Variants in OPCML observed in about 807,000 individuals in gnomAD.
OPCML encodes opioid-binding protein/cell adhesion molecule.
Under a neutral mutation model 37.8 loss-of-function variants are expected in OPCML, and 13 were observed. That is an observed-to-expected ratio of 0.34 (90% CI 0.22 to 0.55). The LOEUF (loss-of-function observed/expected upper bound fraction) is 0.55. OPCML is among the 20% of genes least tolerant of loss of function. The pLI is 0.91. For synonymous variants in OPCML, 176 were observed against 168.8 expected, an observed-to-expected ratio of 1.04 and a Z score of -0.33; for missense variants, 341 against 435.6, an observed-to-expected ratio of 0.78 and a Z score of 1.93.
chr11:133,027,426 A>T (rs1381630182), intron 1 of OPCML, among the ~76,000 whole-genome samples: 3 of 152,038 alleles, frequency 2.0e-5, no homozygotes, highest in Non-Finnish European at 4.4e-5. Context: ...AAAATAAAGA[A>T]ATAGTCACTT....
At chr11:133,272,100 C>T (rs527375649) in intron 1 of OPCML, among the ~76,000 whole-genome samples, 1 of 152,160 alleles carries the variant, frequency 6.6e-6, no homozygotes, top group South Asian at 2.1e-4. Context: ...ATGCAGTAAC[C>T]ACCTGCACAC....
At chr11:132,977,195 G>A (rs539228199) in intron 1 of OPCML, among the ~76,000 whole-genome samples, 1 of 152,246 alleles carries the variant, frequency 6.6e-6, no homozygotes, top group African/African-American at 2.4e-5. Flanking sequence ...AGGTTCAATG[G>A]ATATTAGATA....
chr11:132,436,574 C>T, intron 6 of OPCML, 85 bp downstream of exon 6: 2 of 1,567,190 alleles, frequency 1.3e-6, no homozygotes, highest in Non-Finnish European at 1.7e-6. Context: ...TATCTTTCCC[C>T]TTTTCTTCAT....
chr11:132,448,470 C>T (rs1228067503), intron 4 of OPCML, among the ~76,000 whole-genome samples: 2 of 152,194 alleles, frequency 1.3e-5, no homozygotes, highest in East Asian at 3.9e-4. Flanking sequence ...ATTGCTCATG[C>T]ACTGAGCCCT....
chr11:132,697,359 C>T (rs1943636333), intron 2 of OPCML, among the ~76,000 whole-genome samples: 2 of 152,180 alleles, frequency 1.3e-5, no homozygotes, highest in Non-Finnish European at 2.9e-5. Flanking sequence ...AGTCACAGTG[C>T]TGTACATTAG....
intron 4 of OPCML, among the ~76,000 whole-genome samples, chr11:132,439,297 C>T (rs2096023881): frequency 6.6e-6 from 1 of 152,148 alleles, no homozygotes; most frequent in Non-Finnish European, 1.5e-5. Flanking sequence ...CTGAGCGTCT[C>T]TCCTGAATGA....
chr11:132,483,885 T>C (rs929395610), intron 4 of OPCML, among the ~76,000 whole-genome samples: 3 of 151,876 alleles, frequency 2.0e-5, no homozygotes, highest in Non-Finnish European at 2.9e-5. Flanking sequence ...TGAAACTGGA[T>C]CCCTTCCTTA....
Position 133,208,888 on chromosome 11 carries a change from A to G in OPCML, c.62-265878T>C, listed in dbSNP as rs576256192. Reference sequence around the variant, plus strand: ...CTCCCAAAGCACCCCTACTTTAACAACCTCCTCTGGTGTCTAAGAACCAAA... The same window carrying G: ...CTCCCAAAGCACCCCTACTTTAACAGCCTCCTCTGGTGTCTAAGAACCAAA... On this transcript the variant is annotated intron_variant, in intron 1 of 7. Transcript: ENST00000524381. This position sits in a 1 kb window ranked among gnomAD's most constrained non-coding sequence, Gnocchi z 8.9. 1.3e-5 allele frequency among the ~76,000 whole-genome samples: 2 copies of G among 152,110 alleles called. No individual in the cohort carries two copies. Among genetic ancestry groups the G allele is most frequent in the South Asian group, 4.2e-4 (2 of 4,802 alleles).
chr11:133,483,718 A>G (rs958483709), intron 1 of OPCML, among the ~76,000 whole-genome samples: 4 of 147,522 alleles, frequency 2.7e-5, no homozygotes, highest in African/African-American at 1.0e-4. Context: ...ATAGATAGAT[A>G]GATAAAATAG....
At chr11:132,835,399 CAGTACTG>C (rs1046928844) in intron 2 of OPCML, among the ~76,000 whole-genome samples, 1 of 152,198 alleles carries the variant, frequency 6.6e-6, no homozygotes, top group Non-Finnish European at 1.5e-5. Context: ...AATCAGAAGT[CAGTACTG>C]AGTACACAGA....
In OPCML at chr11:132,942,960, C is replaced by A; in HGVS notation, c.112G>T (p.Val38Leu). Reference sequence around the variant, plus strand: ...GCGCTCTCCCCCTGCCGGACCGTCACGTTGTCCATAGCTTTGGGGAAGGTG... The same window carrying A: ...GCGCTCTCCCCCTGCCGGACCGTCAAGTTGTCCATAGCTTTGGGGAAGGTG... ...DATFPKAMDN[V>L]TVRQGESATL... Residue 38 changes from valine (V) to leucine (L), a missense_variant, in exon 2 of 8, where the codon GTG becomes TTG. By Grantham distance (32) the Val-to-Leu change is conservative. Transcript: ENST00000524381. 6.2e-7 allele frequency: 1 copy of A among 1,614,108 alleles called. No individual in the cohort carries two copies. Among genetic ancestry groups the A allele is most frequent in the Non-Finnish European group, 8.5e-7 (1 of 1,180,000 alleles).
intron 1 of OPCML, among the ~76,000 whole-genome samples, chr11:133,305,490 C>T (rs187396051): frequency 1.3e-5 from 2 of 152,292 alleles, no homozygotes; most frequent in Non-Finnish European, 2.9e-5. Flanking sequence ...ATTTAAGTGC[C>T]TTGCACATGG....
At chr11:132,640,382 A>T (rs1229791653) in intron 3 of OPCML, among the ~76,000 whole-genome samples, 1 of 152,176 alleles carries the variant, frequency 6.6e-6, no homozygotes, top group African/African-American at 2.4e-5. Flanking sequence ...CAAGGGAGAA[A>T]GGATTGGTCA....
intron 3 of OPCML, among the ~76,000 whole-genome samples, chr11:132,540,749 G>A (rs61906367): frequency 3.2e-3 from 493 of 152,336 alleles, no homozygotes; most frequent in Non-Finnish European, 5.4e-3. Context: ...GCTATGCTAA[G>A]TTCATTTGTG....
chr11:132,806,953 T>C (rs1334138427), intron 2 of OPCML, among the ~76,000 whole-genome samples: 1 of 152,032 alleles, frequency 6.6e-6, no homozygotes, highest in Non-Finnish European at 1.5e-5. Flanking sequence ...AAAGGAGAAG[T>C]CACAAAAAAT....
intron 1 of OPCML, among the ~76,000 whole-genome samples, chr11:133,232,741 A>G (rs1256792061): frequency 6.6e-6 from 1 of 152,136 alleles, no homozygotes; most frequent in African/African-American, 2.4e-5. Context: ...AACTTCATAA[A>G]TGTTTCAAAT....
chr11:132,515,349 T>C (rs887196143), intron 4 of OPCML, among the ~76,000 whole-genome samples: 3 of 152,106 alleles, frequency 2.0e-5, no homozygotes, highest in African/African-American at 7.2e-5. Flanking sequence ...ATCTCCTTCT[T>C]TGATTAAGGA....
rs566169831 is a variant in OPCML at position 133,308,870 on chromosome 11, C to T, written c.61+223394G>A. On this transcript the variant is annotated intron_variant, in intron 1 of 7. Transcript: ENST00000524381. Reference sequence around the variant, plus strand: ...CATTAAAACACCAAAGAGCCAACTTCAAAGAGTTCACAATAACTAAAATTG... The same window carrying T: ...CATTAAAACACCAAAGAGCCAACTTTAAAGAGTTCACAATAACTAAAATTG... 2.9e-3 allele frequency among the ~76,000 whole-genome samples: 440 copies of T among 152,266 alleles called. 6 individuals are homozygous for T. Among genetic ancestry groups the T allele is most frequent in the African/African-American group, 9.7e-3 (405 of 41,548 alleles).
chr11:132,945,926 G>A (rs1261151671), intron 1 of OPCML, among the ~76,000 whole-genome samples: 1 of 152,154 alleles, frequency 6.6e-6, no homozygotes, highest in African/African-American at 2.4e-5. Context: ...GGGACTACAG[G>A]CGCCCACCAC....
Sources: gnomAD v4.1 joint callset for allele counts (sites outside exome capture counted in the v4.1 genomes callset) on GRCh38, gnomAD v4.1.1 for gene constraint, Gnocchi (gnomAD v3.1) non-coding constraint, MANE v1.5 for transcripts, NCBI Gene and HGNC (gene_info 2026-07-23, HGNC 2026-07-21) for gene names.